Variants in PLEKHA5 observed in about 807,000 individuals in gnomAD.
PLEKHA5 encodes pleckstrin homology domain-containing family A member 5.
A neutral mutation model predicts 181.9 loss-of-function variants in PLEKHA5; 55 were observed. That is an observed-to-expected ratio of 0.30 (90% CI 0.24 to 0.38). PLEKHA5 has a LOEUF of 0.38. PLEKHA5 is among the 10% of genes least tolerant of loss of function. The pLI, the probability that PLEKHA5 is intolerant of heterozygous loss-of-function variation, is 1.00. For missense variants in PLEKHA5, 1,432 were observed against 1,549.5 expected (o/e 0.92, Z 1.27); for synonymous variants, 535 against 529.4 (o/e 1.01, Z -0.15).
chr12:19,307,253 A>C (rs974661724), intron 15 of PLEKHA5: 6 of 484,154 alleles, frequency 1.2e-5, no homozygotes, highest in African/African-American at 1.2e-4. Flanking sequence ...AGGGTGGATC[A>C]CTTGAGGTCA....
intron 11 of PLEKHA5, among the ~76,000 whole-genome samples, chr12:19,279,956 A>G (rs936416322): frequency 1.3e-5 from 2 of 151,506 alleles, no homozygotes; most frequent in African/African-American, 4.9e-5. Context: ...TACTGCCCCA[A>G]TAGACACAAA....
chr12:19,177,592 G>T (rs117714755), intron 3 of PLEKHA5, among the ~76,000 whole-genome samples: 4,747 of 152,232 alleles, frequency 0.031, 112 homozygotes, highest in Non-Finnish European at 0.05. Flanking sequence ...AAGAAGTTTT[G>T]TGCTCTTCTT....
At chr12:19,341,967 A>G (rs1447408837) in intron 21 of PLEKHA5, among the ~76,000 whole-genome samples, 1 of 152,156 alleles carries the variant, frequency 6.6e-6, no homozygotes, top group African/African-American at 2.4e-5. Flanking sequence ...TCCTGAGCTT[A>G]AGCAATCCAC....
chr12:19,365,944 T>C lies in PLEKHA5; in HGVS notation c.3609-20T>C, dbSNP rs533314127. Reference sequence around the variant, plus strand: ...TATTCTATAGTGACAAATTTTTAAATACCAATCTATTTTCATCAGCCCTCA... The same window carrying C: ...TATTCTATAGTGACAAATTTTTAAACACCAATCTATTTTCATCAGCCCTCA... On this transcript the variant is annotated intron_variant, in intron 29 of 31. Transcript: ENST00000429027. 1.9e-6 allele frequency: 3 copies of C among 1,563,182 alleles called. 1 individual carries two copies. In the South Asian group the frequency reaches 3.6e-5, roughly 19 times the overall value.
intron 3 of PLEKHA5, among the ~76,000 whole-genome samples, chr12:19,227,695 G>A (rs2152347437): frequency 6.6e-6 from 1 of 152,284 alleles, no homozygotes; most frequent in African/African-American, 2.4e-5. Context: ...GGGAAGCCAG[G>A]AAATGTAGTA....
intron 3 of PLEKHA5, among the ~76,000 whole-genome samples, chr12:19,203,624 T>C (rs2054692761): frequency 6.6e-6 from 1 of 152,050 alleles, no homozygotes; most frequent in Admixed American, 6.6e-5. Flanking sequence ...CTTCAAATGC[T>C]TTCTCTCTTT....
intron 24 of PLEKHA5, among the ~76,000 whole-genome samples, 193 bp from the exon 25 acceptor site, chr12:19,348,206 G>A (rs888292362): frequency 5.9e-5 from 9 of 152,100 alleles, no homozygotes; most frequent in Non-Finnish European, 8.8e-5. Flanking sequence ...ATATTAAAAC[G>A]AAGTTTTGCC....
At chr12:19,189,993 GTTTC>G (rs2050720018) in intron 3 of PLEKHA5, among the ~76,000 whole-genome samples, 1 of 151,974 alleles carries the variant, frequency 6.6e-6, no homozygotes, top group Non-Finnish European at 1.5e-5. Flanking sequence ...ACATTAATTT[GTTTC>G]TTTATTAATT....
intron 15 of PLEKHA5, chr12:19,306,365 A>G (rs1042952072): frequency 2.0e-6 from 1 of 490,832 alleles, no homozygotes; most frequent in South Asian, 1.6e-5. Context: ...CTCTCCAACT[A>G]GCGTGCTCTC....
intron 3 of PLEKHA5, among the ~76,000 whole-genome samples, chr12:19,146,530 A>G (rs1221593024): frequency 6.6e-6 from 1 of 152,246 alleles, no homozygotes; most frequent in East Asian, 1.9e-4. Context: ...AACATTATAC[A>G]TGTATTTATT....
intron 20 of PLEKHA5, among the ~76,000 whole-genome samples, chr12:19,333,316 A>G (rs1171335565): frequency 6.6e-6 from 1 of 151,708 alleles, no homozygotes; most frequent in Admixed American, 6.6e-5. Flanking sequence ...CGGGTGGCTC[A>G]TGGGTGTAAT....
rs537191749 is a variant in PLEKHA5 at position 19,351,405 on chromosome 12, T to A, written c.3020-2479T>A. Among the ~76,000 whole-genome samples the A allele has an allele frequency of 2.0e-5, 3 of 152,286 alleles. No individual in the cohort carries two copies. In the South Asian group the frequency reaches 6.2e-4, roughly 32 times the overall value. ...AAGTAAAAAATGTATTTAGCTTTTT[T>A]TTAAGCATATACAACAACTATTTGA... On this transcript the variant is annotated intron_variant, in intron 25 of 31. Coordinates refer to ENST00000429027, the MANE Select transcript of PLEKHA5 (RefSeq NM_001256470.2).
intron 5 of PLEKHA5, among the ~76,000 whole-genome samples, chr12:19,257,056 A>T (rs2067068030): frequency 2.0e-5 from 3 of 152,176 alleles, no homozygotes; most frequent in Admixed American, 2.0e-4. Flanking sequence ...ATGCAGATAT[A>T]AAGGGAAAAG....
intron 3 of PLEKHA5, among the ~76,000 whole-genome samples, chr12:19,230,163 C>G (rs1428942181): frequency 2.6e-5 from 4 of 151,920 alleles, no homozygotes; most frequent in Admixed American, 2.6e-4. Flanking sequence ...ACCAGATTAG[C>G]TAAGATACAG....
intron 12 of PLEKHA5, among the ~76,000 whole-genome samples, chr12:19,285,797 C>A (rs1316214832): frequency 1.3e-5 from 2 of 152,162 alleles, no homozygotes; most frequent in Non-Finnish European, 2.9e-5. Context: ...GTTACATATT[C>A]TTTTACTATT....
At chr12:19,146,789 G>A (rs2039038838) in intron 3 of PLEKHA5, among the ~76,000 whole-genome samples, 1 of 152,184 alleles carries the variant, frequency 6.6e-6, no homozygotes, top group African/African-American at 2.4e-5. Context: ...TCATAAGCCT[G>A]TGGGCACCAA....
intron 3 of PLEKHA5, among the ~76,000 whole-genome samples, chr12:19,187,007 AT>A (rs1249536442): frequency 1.3e-5 from 2 of 152,170 alleles, no homozygotes; most frequent in Non-Finnish European, 2.9e-5. Context: ...AGTTTCTTTT[AT>A]TCCACCTGCA....
intron 3 of PLEKHA5, among the ~76,000 whole-genome samples, chr12:19,225,502 C>G (rs1333773856): frequency 6.6e-6 from 1 of 151,916 alleles, no homozygotes; most frequent in East Asian, 1.9e-4. Flanking sequence ...TATTATTTTC[C>G]CTCGTTACAT....
chr12:19,275,078 A>C, intron 11 of PLEKHA5, 95 bp downstream of exon 11: 1 of 747,136 alleles, frequency 1.3e-6, no homozygotes. Context: ...ATTGGTTTAA[A>C]TTGTGTTTTA....
Sources: gnomAD v4.1 joint callset for allele counts (sites outside exome capture counted in the v4.1 genomes callset) on GRCh38, gnomAD v4.1.1 for gene constraint, MANE v1.5 for transcripts, NCBI Gene and HGNC (gene_info 2026-07-23, HGNC 2026-07-21) for gene names.